Variants in PIK3C2G observed in about 807,000 individuals in gnomAD.
PIK3C2G encodes phosphatidylinositol 3-kinase C2 domain-containing subunit gamma.
Under a neutral mutation model 181.1 loss-of-function variants are expected in PIK3C2G, and 168 were observed. The observed-to-expected ratio is 0.93, with a 90% confidence interval of 0.82 to 1.05. The LOEUF (loss-of-function observed/expected upper bound fraction) is 1.05. PIK3C2G is among the 50% of genes least tolerant of loss of function. The probability of loss-of-function intolerance (pLI) is 0.00; values close to 1 mark genes in which losing one functional copy is unlikely to be tolerated. For missense variants in PIK3C2G, 1,869 were observed against 1,732.8 expected (o/e 1.08, Z -1.40); for synonymous variants, 573 against 592.2 (o/e 0.97, Z 0.47).
intron 12 of PIK3C2G, among the ~76,000 whole-genome samples, chr12:18,363,414 A>G (rs1044614599): frequency 1.1e-4 from 16 of 152,078 alleles, no homozygotes; most frequent in Non-Finnish European, 4.4e-5. Context: ...AAGAAGATAA[A>G]GTAACTTCCT....
chr12:18,308,217 A>T (rs1454342825), intron 5 of PIK3C2G, among the ~76,000 whole-genome samples: 2 of 151,710 alleles, frequency 1.3e-5, no homozygotes, highest in African/African-American at 4.8e-5. Flanking sequence ...GTTATTAGAA[A>T]CTCTAACGTC....
intron 1 of PIK3C2G, among the ~76,000 whole-genome samples, chr12:18,254,837 G>A (rs1224523343): frequency 6.6e-6 from 1 of 151,800 alleles, no homozygotes; most frequent in Admixed American, 6.6e-5. Context: ...AGGTGACAGA[G>A]TGAGACTCTG....
At chr12:18,618,518 A>G (rs926589660) in intron 31 of PIK3C2G, among the ~76,000 whole-genome samples, 1 of 152,208 alleles carries the variant, frequency 6.6e-6, no homozygotes, top group Non-Finnish European at 1.5e-5. Flanking sequence ...CAGAAGATTA[A>G]ACAGCACAGA....
At chr12:18,259,747 C>A (rs1274890210), upstream of PIK3C2G, among the ~76,000 whole-genome samples, 1 of 118,220 alleles carries the variant, frequency 8.5e-6, no homozygotes, top group African/African-American at 2.9e-5. Flanking sequence ...AATAAACTTG[C>A]ACGTAAACAT....
chr12:18,423,998 C>G lies in PIK3C2G; in HGVS notation c.2463C>G (p.His821Gln). Residue 821 changes from histidine (H) to glutamine (Q), a missense_variant, in exon 18 of 33, where the codon CAC (histidine) becomes CAG (glutamine). His to Gln is a conservative substitution (Grantham distance 24). Coordinates refer to ENST00000538779, the MANE Select transcript of PIK3C2G (RefSeq NM_001288772.2). Reference protein sequence around the residue: ...LESPLVQLLLHRSLQSIQVAH... With the variant: ...LESPLVQLLLQRSLQSIQVAH... ...GTCCTTTAGTGCAACTTCTACTCCA[C>G]CGCTCCTTGCAGAGCATCCAGGTTG... 1.2e-6 allele frequency: 2 copies of G among 1,611,682 alleles called. No homozygotes were observed. Among genetic ancestry groups the G allele is most frequent in the Non-Finnish European group, 1.7e-6 (2 of 1,178,778 alleles).
intron 13 of PIK3C2G, among the ~76,000 whole-genome samples, chr12:18,373,851 T>TA (rs750744139): frequency 0.019 from 2,723 of 142,332 alleles, 31 homozygotes; most frequent in Middle Eastern, 0.04. Flanking sequence ...AGACTCCGTC[T>TA]AAAAAAAAAA....
intron 5 of PIK3C2G, among the ~76,000 whole-genome samples, chr12:18,305,119 C>T (rs1241990403): frequency 6.6e-6 from 1 of 152,126 alleles, no homozygotes; most frequent in African/African-American, 2.4e-5. Context: ...TTTACATCTT[C>T]AGTAAATAGC....
intron 18 of PIK3C2G, among the ~76,000 whole-genome samples, chr12:18,487,568 C>T (rs952726563): frequency 6.6e-6 from 1 of 151,938 alleles, no homozygotes; most frequent in African/African-American, 2.4e-5. Context: ...ATAAATTAGT[C>T]TTTTTTAATT....
At chr12:18,510,215 G>A (rs149647787) in intron 24 of PIK3C2G, among the ~76,000 whole-genome samples, 80 of 152,192 alleles carry the variant, frequency 5.3e-4, no homozygotes, top group African/African-American at 1.9e-3. Context: ...AAACAATTTG[G>A]ACCTCGGCCC....
At chr12:18,407,525 C>A (rs115839819) in intron 16 of PIK3C2G, among the ~76,000 whole-genome samples, 5 of 152,026 alleles carry the variant, frequency 3.3e-5, no homozygotes. Context: ...TTGCTAGGCC[C>A]TGAAACTAGC....
rs1950246869 is a variant in PIK3C2G at position 18,648,070 on chromosome 12, T to C, written c.*42T>C. 1.5e-6 allele frequency: 2 copies of C among 1,336,014 alleles called. No individual in the cohort carries two copies. The highest frequency in any genetic ancestry group is 2.0e-6 in the Non-Finnish European group (2 of 986,082). The allele number at this position is 1,336,014 out of a possible 1,614,324, so 82.8% of individuals were successfully genotyped here. A position where few individuals can be genotyped will look rare whatever the true frequency, so the allele number is the denominator to read the frequency against. ...ATGCATTATTCATTAACTACTTGTA[T>C]TTTTTTCACTTCTGGGCCTCTGAAT... On this transcript the variant is annotated 3_prime_UTR_variant, in exon 33 of 33. Transcript: ENST00000538779.
chr12:18,710,145 A>T, the PIK3C2G span, among the ~76,000 whole-genome samples: 1 of 149,436 alleles, frequency 6.7e-6, no homozygotes, highest in Non-Finnish European at 1.5e-5. Context: ...GAAATAATAG[A>T]AAGCATTGCA....
chr12:18,517,056 A>G (rs866509946), intron 24 of PIK3C2G, among the ~76,000 whole-genome samples: 14 of 147,322 alleles, frequency 9.5e-5, no homozygotes, highest in Middle Eastern at 3.4e-3. Context: ...GACAGTGTCA[A>G]CTATCCCTAA....
the PIK3C2G span, among the ~76,000 whole-genome samples, chr12:18,698,242 C>CTTGTATTCTA: frequency 6.9e-6 from 1 of 145,402 alleles, no homozygotes; most frequent in African/African-American, 2.6e-5. Context: ...ATACACTTTT[C>CTTGTATTCTA]TTCTATTCTA....
chr12:18,463,441 C>T (rs1948030608), intron 18 of PIK3C2G, among the ~76,000 whole-genome samples: 1 of 152,124 alleles, frequency 6.6e-6, no homozygotes, highest in African/African-American at 2.4e-5. Context: ...TTTAATGCCT[C>T]AATCCAGGTT....
Position 18,369,106 on chromosome 12 carries a change from G to A in PIK3C2G, c.1749-2074G>A, listed in dbSNP as rs545316373. On this transcript the variant is annotated intron_variant, in intron 12 of 32. Coordinates refer to ENST00000538779, the MANE Select transcript of PIK3C2G (RefSeq NM_001288772.2). ...TTAACATCAAAGTTCAACTGGGAAT[G>A]ACAAGGCCAGTAGATTCTGTGTATT... Among the ~76,000 whole-genome samples, 4 of 152,294 alleles carry A rather than the reference G, an allele frequency of 2.6e-5. No homozygotes were observed. In the South Asian group the frequency reaches 6.2e-4, roughly 24 times the overall value.
At chr12:18,650,293 T>TGAA (rs1950361680), downstream of PIK3C2G, among the ~76,000 whole-genome samples, 3 of 87,734 alleles carry the variant, frequency 3.4e-5, no homozygotes, top group South Asian at 1.6e-3. Context: ...TAACCCAAAT[T>TGAA]TCTCTCTCTC....
At chr12:18,595,083 T>A (rs1023208503) in intron 30 of PIK3C2G, among the ~76,000 whole-genome samples, 7 of 152,074 alleles carry the variant, frequency 4.6e-5, no homozygotes, top group Non-Finnish European at 2.9e-5. Context: ...ATCGGCTACA[T>A]ATTAAATATA....
chr12:18,423,900 T>A (rs779138245), intron 17 of PIK3C2G, 45 bp from the exon 18 acceptor site: 1 of 1,203,682 alleles, frequency 8.3e-7, no homozygotes, highest in East Asian at 2.4e-5. Context: ...TATTCTGCTA[T>A]AATTTTGTTA....
Sources: gnomAD v4.1 joint callset for allele counts (sites outside exome capture counted in the v4.1 genomes callset) on GRCh38, gnomAD v4.1.1 for gene constraint, MANE v1.5 for transcripts, NCBI Gene and HGNC (gene_info 2026-07-23, HGNC 2026-07-21) for gene names.